The following ESR1 variants were observed in gnomAD, a reference collection of about 807,000 sequenced individuals.
ESR1 encodes estrogen receptor 1.
Under a neutral mutation model 52.7 loss-of-function variants are expected in ESR1, and 12 were observed. That is an observed-to-expected ratio of 0.23 (90% CI 0.15 to 0.37). The LOEUF is 0.37. Among genes scored for constraint, ESR1 ranks in the 10% least tolerant of loss-of-function variants. ESR1 has a pLI of 1.00. For synonymous variants in ESR1, 305 were observed against 316.8 expected (o/e 0.96, Z 0.39); for missense variants, 584 against 779.7 (o/e 0.75, Z 2.99).
chr6:151,882,235 C>T (rs1050641428), intron 3 of ESR1, among the ~76,000 whole-genome samples: 5 of 152,234 alleles, frequency 3.3e-5, no homozygotes, highest in East Asian at 1.9e-4. Context: ...TTCATAGTCC[C>T]GGGGTCATAA....
chr6:152,102,849 G>T lies in ESR1; in HGVS notation c.*3883G>T, dbSNP rs17847059. 156 of 226,468 alleles carry T rather than the reference G, an allele frequency of 6.9e-4. No homozygotes were observed. Among genetic ancestry groups the T allele is most frequent in the African/African-American group, 2.5e-3 (113 of 45,018 alleles). The allele number at this position is 226,468 out of a possible 1,614,324, so 14.0% of individuals were successfully genotyped here. On this transcript the variant is annotated 3_prime_UTR_variant, in exon 8 of 8. Transcript: ENST00000206249. The stretch of plus-strand genomic sequence containing the variant: ...TTCCAAACCCATCGTCAGTGTGTGT[G>T]TTTAGAGCTGTGCACCCTAGAAACA...
upstream of ESR1, among the ~76,000 whole-genome samples, chr6:151,686,064 A>ATTTTTTTTTTTTTTT (rs557270210): frequency 8.0e-4 from 91 of 114,328 alleles, 1 homozygote; most frequent in African/African-American, 3.4e-3. Flanking sequence ...AATTAAAACA[A>ATTTTTTTTTTTTTTT]TTTTTTTTTT....
intron 3 of ESR1, among the ~76,000 whole-genome samples, chr6:151,885,832 G>A (rs1793748746): frequency 6.6e-6 from 1 of 152,300 alleles, no homozygotes; most frequent in East Asian, 1.9e-4. Flanking sequence ...TCCAGCCTGG[G>A]CAACAGAGTG....
intron 1 of ESR1, among the ~76,000 whole-genome samples, chr6:151,829,675 T>C (rs1484772165): frequency 1.3e-5 from 2 of 152,210 alleles, no homozygotes; most frequent in Non-Finnish European, 1.5e-5. Flanking sequence ...ATGTTATTGT[T>C]GGTCGGAGGC....
At chr6:152,022,109 G>C (rs941487771) in intron 5 of ESR1, among the ~76,000 whole-genome samples, 4 of 152,142 alleles carry the variant, frequency 2.6e-5, no homozygotes, top group African/African-American at 9.7e-5. Flanking sequence ...GAGAGAAAAG[G>C]GTTATGTATC....
At chr6:151,802,075 T>C (rs1249740443), upstream of ESR1, among the ~76,000 whole-genome samples, 1 of 152,208 alleles carries the variant, frequency 6.6e-6, no homozygotes, top group Non-Finnish European at 1.5e-5. Flanking sequence ...ATTGGGATGA[T>C]TGTTACATGG....
chr6:151,739,850 G>A (rs536440724), intron 2 of ESR1, among the ~76,000 whole-genome samples: 19 of 152,086 alleles, frequency 1.2e-4, no homozygotes, highest in South Asian at 2.1e-4. Context: ...CATTCTGGCC[G>A]CAGTCTTCTA....
At chr6:152,067,781 C>A (rs1037519226) in intron 6 of ESR1, among the ~76,000 whole-genome samples, 4 of 152,076 alleles carry the variant, frequency 2.6e-5, no homozygotes, top group Non-Finnish European at 5.9e-5. Context: ...GAGCCAAGAT[C>A]GTGCCATTGC....
chr6:151,918,120 C>T (rs1208905552), intron 3 of ESR1, among the ~76,000 whole-genome samples: 2 of 152,168 alleles, frequency 1.3e-5, no homozygotes, highest in East Asian at 3.9e-4. Flanking sequence ...ATGGGGCAGA[C>T]ATGAGCAGGT....
chr6:152,096,981 A>G (rs2050659691), intron 7 of ESR1, among the ~76,000 whole-genome samples: 1 of 152,204 alleles, frequency 6.6e-6, no homozygotes, highest in Middle Eastern at 3.2e-3. Context: ...AGCATTAGCA[A>G]GCCTAATTAG....
At position 151,847,115 on chromosome 6, in the gene ESR1, A is replaced by G. The variant is rs868491815; in HGVS notation, c.643+4328A>G. Among the ~76,000 whole-genome samples, 21 of 152,342 alleles carry G rather than the reference A, an allele frequency of 1.4e-4. 2 individuals are homozygous for G. In the South Asian group the frequency reaches 4.1e-3, roughly 30 times the overall value. ...ACATAGCCCAGGCAAGTATTGATTT[A>G]CAGATGATCTTTGGCCAGGAAGACA... On this transcript the variant is annotated intron_variant, in intron 2 of 7. Transcript: ENST00000206249.
chr6:151,824,929 A>G, intron 1 of ESR1, among the ~76,000 whole-genome samples: 1 of 152,078 alleles, frequency 6.6e-6, no homozygotes, highest in Non-Finnish European at 1.5e-5. Flanking sequence ...TCAAAAAAAA[A>G]AAGAAAAAAA....
intron 2 of ESR1, among the ~76,000 whole-genome samples, chr6:151,853,197 A>AAAG (rs1554269040): frequency 1.4e-5 from 2 of 140,250 alleles, no homozygotes; most frequent in African/African-American, 5.8e-5. Context: ...AAAAAAAAAA[A>AAAG]AGAGAAAGAA....
At chr6:152,017,719 T>C (rs559592711) in intron 5 of ESR1, among the ~76,000 whole-genome samples, 2 of 152,214 alleles carry the variant, frequency 1.3e-5, no homozygotes, top group East Asian at 3.9e-4. Context: ...GTGTTCATCC[T>C]ACTCATTCCT....
At chr6:151,763,831 A>T (rs1012356024) in intron 2 of ESR1, among the ~76,000 whole-genome samples, 9 of 152,188 alleles carry the variant, frequency 5.9e-5, no homozygotes, top group Admixed American at 5.2e-4. Flanking sequence ...CTGATGGGAA[A>T]CTTGGGAACT....
chr6:152,078,482 A>C (rs969811143), intron 6 of ESR1, among the ~76,000 whole-genome samples: 5 of 151,992 alleles, frequency 3.3e-5, no homozygotes, highest in Non-Finnish European at 7.4e-5. Context: ...TTTTCCATTT[A>C]AAAATCAGTC....
rs778554662 is a variant in ESR1 at position 152,098,842 on chromosome 6, G to A, written c.1664G>A (p.Arg555His). Residue 555 changes from arginine (R) to histidine (H), a missense_variant, in exon 8 of 8, where the codon CGT becomes CAT. Physicochemically the swap from Arg to His is conservative, Grantham distance 29. Transcript: ENST00000206249. This position sits in a 1 kb window ranked among gnomAD's most constrained non-coding sequence, Gnocchi z 5.1. Reference sequence around the variant, plus strand: ...CACCGCCTACATGCGCCCACTAGCCGTGGAGGGGCATCCGTGGAGGAGACG... The same window carrying A: ...CACCGCCTACATGCGCCCACTAGCCATGGAGGGGCATCCGTGGAGGAGACG... ...DAHRLHAPTS[R>H]GGASVEETDQ... 104 of 1,614,068 alleles carry A rather than the reference G, an allele frequency of 6.4e-5. No homozygotes were observed. The highest frequency in any genetic ancestry group is 5.3e-4 in the East Asian group (24 of 44,884).
At chr6:151,723,803 G>A (rs537861501) in intron 2 of ESR1, among the ~76,000 whole-genome samples, 3 of 152,140 alleles carry the variant, frequency 2.0e-5, no homozygotes, top group Non-Finnish European at 2.9e-5. Context: ...CCGGGAGGCC[G>A]AGGTTGCAGT....
At chr6:151,749,192 CA>C (rs34553218) in intron 2 of ESR1, among the ~76,000 whole-genome samples, 5,602 of 117,532 alleles carry the variant, frequency 0.048, 231 homozygotes, top group African/African-American at 0.17. Flanking sequence ...TGGGAAAAGA[CA>C]AAAAAAAAAA....
Sources: gnomAD v4.1 joint callset for allele counts (sites outside exome capture counted in the v4.1 genomes callset) on GRCh38, gnomAD v4.1.1 for gene constraint, Gnocchi (gnomAD v3.1) non-coding constraint, MANE v1.5 for transcripts, NCBI Gene and HGNC (gene_info 2026-07-23, HGNC 2026-07-21) for gene names.